SEPTIN7: variants seen among roughly 807,000 people sequenced by gnomAD.
The protein encoded by SEPTIN7 is septin-7.
SEPTIN7 carries 10 observed loss-of-function variants against 63.3 expected under a neutral mutation model. The observed-to-expected ratio is 0.16, with a 90% confidence interval of 0.10 to 0.27. SEPTIN7 has a LOEUF of 0.27. SEPTIN7 is among the 10% of genes least tolerant of loss of function. The probability of loss-of-function intolerance (pLI) is 1.00; values close to 1 mark genes in which losing one functional copy is unlikely to be tolerated. For missense variants in SEPTIN7, 310 were observed against 521.0 expected (o/e 0.59, Z 3.94); for synonymous variants, 131 against 165.3 (o/e 0.79, Z 1.59).
chr7:35,880,457 G>A (rs1053880314), intron 7 of SEPTIN7, among the ~76,000 whole-genome samples: 1 of 151,204 alleles, frequency 6.6e-6, no homozygotes, highest in African/African-American at 2.4e-5. Flanking sequence ...TCATTTCTTT[G>A]TCTTTTCCTT....
chr7:35,822,083 T>C (rs890702863), intron 1 of SEPTIN7, among the ~76,000 whole-genome samples: 3 of 150,026 alleles, frequency 2.0e-5, no homozygotes, highest in African/African-American at 7.4e-5. Context: ...CCTCATTTTA[T>C]TTTTTTAACT....
chr7:35,912,420 CT>C, the SEPTIN7 span, among the ~76,000 whole-genome samples: 2 of 152,224 alleles, frequency 1.3e-5, no homozygotes, highest in Non-Finnish European at 2.9e-5. Flanking sequence ...ATAAGGGATA[CT>C]TTTAGTTAAT....
At chr7:35,903,285 A>G in intron 13 of SEPTIN7, 70 bp downstream of exon 13, 4 of 1,451,162 alleles carry the variant, frequency 2.8e-6, no homozygotes, top group Non-Finnish European at 3.6e-6. Flanking sequence ...TACTTATTTA[A>G]AAAACATTAG....
chr7:35,897,821 T>C (rs1478656796), intron 11 of SEPTIN7, among the ~76,000 whole-genome samples: 1 of 152,190 alleles, frequency 6.6e-6, no homozygotes, highest in African/African-American at 2.4e-5. Context: ...TTAGTAGCTG[T>C]CTTGGAAGAG....
chr7:35,833,869 C>T (rs1387566312), intron 3 of SEPTIN7, among the ~76,000 whole-genome samples: 1 of 151,970 alleles, frequency 6.6e-6, no homozygotes, highest in Non-Finnish European at 1.5e-5. Flanking sequence ...AATATTTTAT[C>T]TACTGACTGC....
intron 3 of SEPTIN7, among the ~76,000 whole-genome samples, chr7:35,841,482 T>C (rs1223784515): frequency 6.6e-6 from 1 of 152,224 alleles, no homozygotes; most frequent in Non-Finnish European, 1.5e-5. Context: ...ATCCTTTCTT[T>C]TGACAGACCG....
chr7:35,868,891 C>G (rs557835996), intron 4 of SEPTIN7, among the ~76,000 whole-genome samples: 27 of 152,226 alleles, frequency 1.8e-4, no homozygotes, highest in African/African-American at 6.3e-4. Context: ...TTCAGACAGA[C>G]TGGGAATGGT....
rs777383404 is a variant in SEPTIN7, at chr7:35,885,802, A to G, written c.821-26A>G. On this transcript the variant is annotated intron_variant, in intron 9 of 13. Coordinates refer to ENST00000350320, the MANE Select transcript of SEPTIN7 (RefSeq NM_001788.6). Reference sequence around the variant, plus strand: ...AGACTAGGTTTAGTGGAAATATAACATATGCGGTCTGCTTTTTTCTTACAG... The same window carrying G: ...AGACTAGGTTTAGTGGAAATATAACGTATGCGGTCTGCTTTTTTCTTACAG... 4 of 1,570,134 alleles carry G rather than the reference A, an allele frequency of 2.5e-6. No individual in the cohort carries two copies. The South Asian group carries it at 4.5e-5, about 18-fold the overall frequency.
intron 4 of SEPTIN7, among the ~76,000 whole-genome samples, chr7:35,864,754 T>C (rs1785710371): frequency 6.6e-6 from 1 of 152,146 alleles, no homozygotes; most frequent in Non-Finnish European, 1.5e-5. Flanking sequence ...GTTGGTGAGC[T>C]CTGCTTATGT....
At chr7:35,907,266 C>G (rs4623304), downstream of SEPTIN7, among the ~76,000 whole-genome samples, 21 of 152,244 alleles carry the variant, frequency 1.4e-4, no homozygotes, top group East Asian at 4.1e-3. Flanking sequence ...ACCAGTAAAT[C>G]GAAGTCCTTT....
chr7:35,838,289 C>T (rs1292987286), intron 3 of SEPTIN7, among the ~76,000 whole-genome samples: 1 of 15,768 alleles, frequency 6.3e-5, no homozygotes, highest in African/African-American at 4.2e-4. Flanking sequence ...TCCTTCCTTC[C>T]TTCCTTCCTT....
intron 1 of SEPTIN7, among the ~76,000 whole-genome samples, chr7:35,819,990 T>G (rs561351686): frequency 6.6e-6 from 1 of 152,252 alleles, no homozygotes; most frequent in South Asian, 2.1e-4. Flanking sequence ...GTCTTTTTTT[T>G]TTTTTTGAGA....
At chr7:35,823,840 A>G (rs1008796259) in intron 1 of SEPTIN7, among the ~76,000 whole-genome samples, 1 of 152,040 alleles carries the variant, frequency 6.6e-6, no homozygotes, top group Non-Finnish European at 1.5e-5. Context: ...TTTACTTCTT[A>G]AAATCCCCTA....
chr7:35,913,190 G>C, the SEPTIN7 span, among the ~76,000 whole-genome samples: 1 of 152,118 alleles, frequency 6.6e-6, no homozygotes, highest in East Asian at 1.9e-4. Flanking sequence ...CCACAAGAAG[G>C]TCATCTCTCC....
At chr7:35,852,359 G>C (rs1156357441) in intron 3 of SEPTIN7, among the ~76,000 whole-genome samples, 3 of 151,614 alleles carry the variant, frequency 2.0e-5, no homozygotes, top group Non-Finnish European at 2.9e-5. Flanking sequence ...TTTGCCCCTA[G>C]ACTTTTCCAA....
At chr7:35,885,784 G>C in intron 9 of SEPTIN7, 44 bp from the exon 10 acceptor site, 1 of 1,462,262 alleles carries the variant, frequency 6.8e-7, no homozygotes, top group Non-Finnish European at 9.5e-7. Flanking sequence ...AAAAGACTAG[G>C]TTTAGTGGAA....
chr7:35,889,340 T>C (rs1787493162), intron 10 of SEPTIN7, among the ~76,000 whole-genome samples: 2 of 152,164 alleles, frequency 1.3e-5, no homozygotes, highest in Admixed American at 1.3e-4. Context: ...GGACAGAGTC[T>C]GGGAGATGAG....
At chr7:35,915,083 AT>A in the SEPTIN7 span, among the ~76,000 whole-genome samples, 1 of 152,034 alleles carries the variant, frequency 6.6e-6, no homozygotes, top group African/African-American at 2.4e-5. Flanking sequence ...ATGTACATAT[AT>A]GTATATATGC....
At chr7:35,840,398 A>G (rs962466084) in intron 3 of SEPTIN7, among the ~76,000 whole-genome samples, 1 of 150,688 alleles carries the variant, frequency 6.6e-6, no homozygotes, top group Non-Finnish European at 1.5e-5. Flanking sequence ...ACCTGGGACT[A>G]CAGGCACACA....
Sources: allele counts gnomAD v4.1 joint callset (sites outside exome capture counted in the v4.1 genomes callset), GRCh38; gene constraint gnomAD v4.1.1; transcripts MANE v1.5; gene names NCBI Gene and HGNC (gene_info 2026-07-23, HGNC 2026-07-21).